The following TMEM131L variants were observed in gnomAD, a reference collection of about 807,000 sequenced individuals.
TMEM131L encodes the protein transmembrane 131 like.
A neutral mutation model predicts 192.2 loss-of-function variants in TMEM131L; 54 were observed. That is an observed-to-expected ratio of 0.28 (90% CI 0.23 to 0.35). The LOEUF (loss-of-function observed/expected upper bound fraction) is 0.35. Among genes scored for constraint, TMEM131L ranks in the 10% least tolerant of loss-of-function variants. TMEM131L has a pLI of 1.00. For synonymous variants in TMEM131L, 701 were observed against 704.9 expected (o/e 0.99, Z 0.09); for missense variants, 1,888 against 1,972.9 (o/e 0.96, Z 0.82).
At chr4:153,609,076 C>G (rs922079995) in intron 25 of TMEM131L, among the ~76,000 whole-genome samples, 7 of 152,170 alleles carry the variant, frequency 4.6e-5, no homozygotes, top group Non-Finnish European at 1.0e-4. Flanking sequence ...GGGGAAGTTG[C>G]ACACTTAATA....
At chr4:153,554,083 A>C (rs566299119) in intron 4 of TMEM131L, 1 of 152,306 alleles carries the variant, frequency 6.6e-6, no homozygotes, top group South Asian at 2.1e-4. Context: ...TTGTATTTCA[A>C]TTATGTACAT....
intron 33 of TMEM131L, among the ~76,000 whole-genome samples, chr4:153,635,131 A>AT (rs1311644643): frequency 6.6e-6 from 1 of 152,200 alleles, no homozygotes; most frequent in Non-Finnish European, 1.5e-5. Context: ...CACTATTTAG[A>AT]TATCTAGTAG....
intron 7 of TMEM131L, among the ~76,000 whole-genome samples, chr4:153,560,346 T>G (rs1728769757): frequency 6.6e-6 from 1 of 152,216 alleles, no homozygotes; most frequent in South Asian, 2.1e-4. Context: ...ACAGGCCACG[T>G]CTCTGTCTCT....
intron 9 of TMEM131L, 148 bp from the exon 10 acceptor site, chr4:153,583,042 G>T (rs1578797975): frequency 6.8e-6 from 4 of 586,074 alleles, no homozygotes; most frequent in South Asian, 2.0e-5. Context: ...TCCTAGTTTT[G>T]ATTTCAGTTT....
Position 153,576,791 on chromosome 4 carries a change from C to A in TMEM131L, c.661-4035C>A, listed in dbSNP as rs569380087. ...AAATACACACTGTTAGGTTTTTATT[C>A]TTTTATTTTGTAGGCACCGTTTACT... On this transcript the variant is annotated intron_variant, in intron 7 of 34. Transcript: ENST00000409959. Among the ~76,000 whole-genome samples, 6 of 150,332 alleles carry A rather than the reference C, an allele frequency of 4.0e-5. No individual in the cohort carries two copies. The East Asian group carries it at 1.2e-3, about 29-fold the overall frequency.
intron 31 of TMEM131L, among the ~76,000 whole-genome samples, chr4:153,631,851 A>C (rs1457275766): frequency 6.6e-6 from 1 of 152,040 alleles, no homozygotes; most frequent in East Asian, 1.9e-4. Flanking sequence ...GGCTACACTG[A>C]TATCCTTGCT....
At chr4:153,473,372 C>T (rs746246639) in intron 2 of TMEM131L, among the ~76,000 whole-genome samples, 57 of 152,304 alleles carry the variant, frequency 3.7e-4, no homozygotes, top group Non-Finnish European at 5.3e-4. Context: ...CTAATACAGC[C>T]GGGGCTACTG....
Position 153,492,044 on chromosome 4 carries a change from G to A in TMEM131L, c.239+18156G>A, listed in dbSNP as rs186181145. On this transcript the variant is annotated intron_variant, in intron 3 of 34. Coordinates refer to ENST00000409959, the MANE Select transcript of TMEM131L (RefSeq NM_001131007.2). ...GAGATGGGGCCTTGCTCCATCACCC[G>A]AGCTGGAGTGTAGGTAGCATGATCA... 1.4e-4 allele frequency among the ~76,000 whole-genome samples: 21 copies of A among 151,998 alleles called. 1 individual carries two copies. The highest frequency in any genetic ancestry group is 3.4e-3 in the Middle Eastern group (1 of 294).
chr4:153,615,023 C>T (rs982214004), intron 26 of TMEM131L, among the ~76,000 whole-genome samples: 3 of 152,126 alleles, frequency 2.0e-5, no homozygotes, highest in African/African-American at 7.2e-5. Context: ...TTATGTCTGT[C>T]AAAGCAATGC....
intron 3 of TMEM131L, among the ~76,000 whole-genome samples, chr4:153,493,055 A>G (rs892217197): frequency 2.6e-5 from 4 of 152,244 alleles, no homozygotes; most frequent in African/African-American, 9.6e-5. Flanking sequence ...TGGCTAAAAG[A>G]TATGCTTGGG....
chr4:153,601,208 T>A (rs929069566), intron 21 of TMEM131L, among the ~76,000 whole-genome samples: 3 of 152,172 alleles, frequency 2.0e-5, no homozygotes, highest in Non-Finnish European at 2.9e-5. Context: ...GAATTGACTT[T>A]GAATGATAGA....
chr4:153,607,784 C>T (rs1159365462), intron 25 of TMEM131L, among the ~76,000 whole-genome samples: 2 of 152,162 alleles, frequency 1.3e-5, no homozygotes, highest in Non-Finnish European at 1.5e-5. Flanking sequence ...GTATGAATGG[C>T]TTTGACTACA....
intron 4 of TMEM131L, chr4:153,554,373 G>A (rs905343728): frequency 6.6e-6 from 1 of 152,198 alleles, no homozygotes; most frequent in African/African-American, 2.4e-5. Flanking sequence ...GGGATGTGAA[G>A]AACTACGTTT....
Position 153,623,001 on chromosome 4 carries a change from C to CAGCTGGGGG in TMEM131L, c.3970_3978dup (p.Gly1324_Trp1326dup), listed in dbSNP as rs749242625. 1.7e-5 allele frequency: 27 copies of CAGCTGGGGG among 1,614,180 alleles called. No individual in the cohort carries two copies. In the East Asian group the frequency reaches 5.8e-4, roughly 35 times the overall value. ...CTGGCAGCGTGCGTGCCAGCCGGGG[C>CAGCTGGGGG]AGCTGGGGGAGCTGGAGCAGCACCA... On this transcript the variant is annotated inframe_insertion, in exon 29 of 35. Transcript: ENST00000409959.
At chr4:153,626,109 T>C in intron 29 of TMEM131L, 38 bp from the exon 30 acceptor site, 1 of 1,370,018 alleles carries the variant, frequency 7.3e-7, no homozygotes, top group Non-Finnish European at 1.0e-6. Flanking sequence ...TGAAGTGTAC[T>C]TTTTGAAACT....
At position 153,584,951 on chromosome 4, in the gene TMEM131L, C is replaced by G; in HGVS notation, c.1157+20C>G. ...TCAGGGGTAGGTTACTTCCACTTTC[C>G]CTGAAATCTTGTATGGTTGTTGTTG... is the stretch of plus-strand genomic sequence containing the variant. On this transcript the variant is annotated intron_variant, in intron 12 of 34. Transcript: ENST00000409959. 4 of 1,541,402 alleles carry G rather than the reference C, an allele frequency of 2.6e-6. No homozygotes were observed. The highest frequency in any genetic ancestry group is 2.7e-6 in the Non-Finnish European group (3 of 1,113,934).
chr4:153,492,575 A>G (rs1277303524), intron 3 of TMEM131L, among the ~76,000 whole-genome samples: 1 of 152,226 alleles, frequency 6.6e-6, no homozygotes, highest in African/African-American at 2.4e-5. Context: ...AGAAGAAAAT[A>G]TAATAGTAAT....
At chr4:153,467,080 G>A (rs1730810882) in intron 1 of TMEM131L, 131 bp from the exon 2 acceptor site, 5 of 864,746 alleles carry the variant, frequency 5.8e-6, no homozygotes. Context: ...CCCCTGGGAT[G>A]GCCTCTGTTC....
chr4:153,562,408 G>A (rs974381774), intron 7 of TMEM131L, among the ~76,000 whole-genome samples: 4 of 152,086 alleles, frequency 2.6e-5, no homozygotes, highest in Non-Finnish European at 1.5e-5. Context: ...AATAATTGTG[G>A]CATTCCTCTA....
Sources: gnomAD v4.1 joint callset for allele counts (sites outside exome capture counted in the v4.1 genomes callset) on GRCh38, gnomAD v4.1.1 for gene constraint, MANE v1.5 for transcripts, NCBI Gene and HGNC (gene_info 2026-07-23, HGNC 2026-07-21) for gene names.